EPHA6: variants seen among roughly 807,000 people sequenced by gnomAD.
EPHA6 encodes the protein EPH receptor A6.
Under a neutral mutation model 112.0 loss-of-function variants are expected in EPHA6, and 50 were observed. The observed-to-expected ratio is 0.45, with a 90% CI of 0.36 to 0.56. The LOEUF is 0.56. Among genes scored for constraint, EPHA6 ranks in the 20% least tolerant of loss-of-function variants. The pLI, the probability that EPHA6 is intolerant of heterozygous loss-of-function variation, is 0.00. For missense variants in EPHA6, 1,280 were observed against 1,417.4 expected, an observed-to-expected ratio of 0.90 and a Z score of 1.56; for synonymous variants, 529 against 490.7, an observed-to-expected ratio of 1.08 and a Z score of -1.03.
At chr3:97,445,091 A>T (rs1198125090) in intron 6 of EPHA6, among the ~76,000 whole-genome samples, 1 of 152,180 alleles carries the variant, frequency 6.6e-6, no homozygotes, top group East Asian at 1.9e-4. Context: ...TTTAATTTGG[A>T]TACAAATATG....
chr3:97,017,717 C>T (rs1026468629), intron 3 of EPHA6, among the ~76,000 whole-genome samples: 2 of 152,154 alleles, frequency 1.3e-5, no homozygotes, highest in African/African-American at 4.8e-5. Context: ...TTTTAGGATC[C>T]TTTATCCTTG....
At chr3:97,044,040 C>G (rs867620451) in intron 3 of EPHA6, among the ~76,000 whole-genome samples, 68 of 152,180 alleles carry the variant, frequency 4.5e-4, no homozygotes, top group African/African-American at 1.6e-3. Context: ...GGCCTTTCAG[C>G]CAATGGATGA....
chr3:96,958,215 G>A (rs1384925632), intron 2 of EPHA6, among the ~76,000 whole-genome samples: 4 of 151,680 alleles, frequency 2.6e-5, no homozygotes, highest in Non-Finnish European at 5.9e-5. Context: ...ACTTGAACCC[G>A]GGAGGCGGAG....
chr3:97,312,399 G>A (rs968101057), intron 5 of EPHA6, among the ~76,000 whole-genome samples: 17 of 151,518 alleles, frequency 1.1e-4, no homozygotes, highest in Non-Finnish European at 2.2e-4. Context: ...TACAGGTTGA[G>A]CATTTTTAAT....
chr3:97,556,885 T>C (rs1038964121), intron 11 of EPHA6, among the ~76,000 whole-genome samples: 3 of 152,062 alleles, frequency 2.0e-5, no homozygotes, highest in African/African-American at 7.2e-5. Context: ...TCTTAAAGTA[T>C]AAAAATTAAA....
chr3:96,874,876 A>C (rs1490930788), intron 2 of EPHA6, among the ~76,000 whole-genome samples: 1 of 152,084 alleles, frequency 6.6e-6, no homozygotes, highest in African/African-American at 2.4e-5. Flanking sequence ...GGACTTGATG[A>C]CCTGAAGTCA....
chr3:96,885,159 C>A (rs1178236574), intron 2 of EPHA6, among the ~76,000 whole-genome samples: 1 of 152,130 alleles, frequency 6.6e-6, no homozygotes, highest in Non-Finnish European at 1.5e-5. Context: ...GATGTATGTT[C>A]ATCAAGGATA....
chr3:97,246,268 A>C (rs1301516890), intron 5 of EPHA6, among the ~76,000 whole-genome samples: 2 of 151,960 alleles, frequency 1.3e-5, no homozygotes, highest in Admixed American at 1.3e-4. Context: ...CAGGGAAAAA[A>C]ATTTAATTTC....
chr3:97,013,394 G>T (rs1277426931), intron 3 of EPHA6, among the ~76,000 whole-genome samples: 1 of 151,900 alleles, frequency 6.6e-6, no homozygotes, highest in Admixed American at 6.6e-5. Context: ...TTTCCAGTAG[G>T]TTCTCATGTT....
intron 8 of EPHA6, among the ~76,000 whole-genome samples, chr3:97,476,354 G>A (rs891791870): frequency 2.0e-5 from 3 of 151,966 alleles, no homozygotes; most frequent in Admixed American, 2.0e-4. Flanking sequence ...TCACTATCAT[G>A]ATTTAAAACT....
At position 97,323,441 on chromosome 3, in the gene EPHA6, T is replaced by C. The variant is rs1265764859; in HGVS notation, c.1606+79154T>C. Among the ~76,000 whole-genome samples, 3 of 151,854 alleles carry C rather than the reference T, an allele frequency of 2.0e-5. 1 individual carries two copies. Among genetic ancestry groups the C allele is most frequent in the African/African-American group, 7.3e-5 (3 of 41,282 alleles). On this transcript the variant is annotated intron_variant, in intron 5 of 17. Coordinates refer to ENST00000389672, the MANE Select transcript of EPHA6 (RefSeq NM_001080448.3). ...AGCATATATACTTGAGAATGAGGGA[T>C]GGAAGAATATTAGGGGGGATGGGTG...
At chr3:96,930,891 C>T (rs1245122231) in intron 2 of EPHA6, among the ~76,000 whole-genome samples, 1 of 146,768 alleles carries the variant, frequency 6.8e-6, no homozygotes, top group South Asian at 2.1e-4. Flanking sequence ...ATTCAGTGGA[C>T]CGAGACAGGA....
chr3:97,188,695 A>G (rs1282028634), intron 3 of EPHA6, among the ~76,000 whole-genome samples: 1 of 151,994 alleles, frequency 6.6e-6, no homozygotes, highest in Admixed American at 6.6e-5. Context: ...TGTACTATAA[A>G]TTTAATCTAC....
At chr3:97,114,964 A>G (rs1323110587) in intron 3 of EPHA6, among the ~76,000 whole-genome samples, 5 of 152,022 alleles carry the variant, frequency 3.3e-5, no homozygotes, top group African/African-American at 1.2e-4. Context: ...TTAATGAAGG[A>G]GTCATATTTG....
At chr3:97,283,576 G>A (rs1480543468) in intron 5 of EPHA6, among the ~76,000 whole-genome samples, 1 of 151,944 alleles carries the variant, frequency 6.6e-6, no homozygotes, top group Non-Finnish European at 1.5e-5. Context: ...TTGCTAAACA[G>A]TCTACACATC....
intron 6 of EPHA6, among the ~76,000 whole-genome samples, chr3:97,437,927 T>G (rs1577409759): frequency 6.6e-6 from 1 of 152,294 alleles, no homozygotes. Flanking sequence ...TATTTATATT[T>G]CTGAGTTTTT....
intron 3 of EPHA6, among the ~76,000 whole-genome samples, chr3:96,995,017 A>G (rs1250575901): frequency 6.6e-6 from 1 of 152,026 alleles, no homozygotes; most frequent in Admixed American, 6.6e-5. Context: ...ATTAAAATTC[A>G]GAAGGAAAGG....
At chr3:97,484,176 A>T in intron 10 of EPHA6, 117 bp downstream of exon 10, 1 of 862,964 alleles carries the variant, frequency 1.2e-6, no homozygotes, top group East Asian at 3.1e-5. Flanking sequence ...TTAACAAGTG[A>T]GAAGTAAAGT....
rs1445017212 is a variant in EPHA6 at position 97,752,431 on chromosome 3, C to A, written c.*3730C>A. ...TTTCACTGTGCTAGTTCTTTCTTTTCTCCTCTTTTAATAAATTTTCTAAAA... is the reference window on the plus strand; with the variant it reads ...TTTCACTGTGCTAGTTCTTTCTTTTATCCTCTTTTAATAAATTTTCTAAAA... On this transcript the variant is annotated 3_prime_UTR_variant, in exon 18 of 18. Coordinates refer to ENST00000389672, the MANE Select transcript of EPHA6 (RefSeq NM_001080448.3). The A allele has an allele frequency of 1.8e-5, 4 of 223,130 alleles. No individual in the cohort carries two copies. The East Asian group carries it at 2.0e-4, about 11-fold the overall frequency. 13.8% of individuals were successfully genotyped at this position (223,130 alleles called of 1,614,324 possible).
Sources: gnomAD v4.1 joint callset for allele counts (sites outside exome capture counted in the v4.1 genomes callset) on GRCh38, gnomAD v4.1.1 for gene constraint, MANE v1.5 for transcripts, NCBI Gene and HGNC (gene_info 2026-07-23, HGNC 2026-07-21) for gene names.